Variants in FN1 observed in about 807,000 individuals in gnomAD.
FN1 encodes fibronectin.
In FN1, 106 loss-of-function variants were observed where a neutral mutation model predicts 297.3. The observed-to-expected ratio is 0.36, with a 90% CI of 0.30 to 0.42. The LOEUF (loss-of-function observed/expected upper bound fraction) is 0.42, where lower values mean the gene tolerates loss of function less well. Ranked by LOEUF, FN1 falls within the 10% of genes least tolerant of loss-of-function variation. The probability of loss-of-function intolerance (pLI) is 1.00; values close to 1 mark genes in which losing one functional copy is unlikely to be tolerated. For synonymous variants in FN1, 1,149 were observed against 1,152.6 expected (o/e 1.00, Z 0.06); for missense variants, 2,690 against 3,124.9 (o/e 0.86, Z 3.32).
chr2:215,432,720 A>C (rs2066744687), intron 3 of FN1, among the ~76,000 whole-genome samples: 1 of 152,078 alleles, frequency 6.6e-6, no homozygotes, highest in South Asian at 2.1e-4. Flanking sequence ...AGAGTGCCTT[A>C]GCTAAACTAG....
intron 17 of FN1, 62 bp downstream of exon 17, chr2:215,408,046 G>T: frequency 7.8e-7 from 1 of 1,275,684 alleles, no homozygotes; most frequent in Non-Finnish European, 1.1e-6. Flanking sequence ...CAGAATCTGC[G>T]CCCTCCCTGC....
chr2:215,383,076 C>A (rs2058431061), intron 31 of FN1, among the ~76,000 whole-genome samples: 1 of 151,410 alleles, frequency 6.6e-6, no homozygotes, highest in African/African-American at 2.4e-5. Context: ...GCTATCTTGG[C>A]TCACTGCAAC....
chr2:215,384,831 G>A, intron 29 of FN1, 29 bp downstream of exon 29: 1 of 1,361,000 alleles, frequency 7.3e-7, no homozygotes, highest in Non-Finnish European at 1.1e-6. Context: ...GATTTAATCA[G>A]AGTGTAAAAT....
intron 9 of FN1, 60 bp from the exon 10 acceptor site, chr2:215,422,303 G>C (rs1413748922): frequency 6.7e-7 from 1 of 1,487,250 alleles, no homozygotes; most frequent in African/African-American, 1.4e-5. Context: ...AAACATGTAT[G>C]TGTGCAAAAG....
Position 215,371,923 on chromosome 2 carries a change from C to T in FN1, c.6700G>A (p.Glu2234Lys). ...CAATTAATTACCTGTAAGGGTTCTT[C>T]ATCAGTGCCAACAGGATGACATGAA... The part of the protein sequence containing the change: ...IISCHPVGTD[E>K]EPLQFRVPGT... Residue 2234 changes from glutamate (E) to lysine (K), a missense_variant, in exon 40 of 46, where the codon GAA becomes AAA. Transcript: ENST00000354785. The T allele has an allele frequency of 6.2e-7, 1 of 1,613,596 alleles. No homozygotes were observed. The highest frequency in any genetic ancestry group is 8.5e-7 in the Non-Finnish European group (1 of 1,179,492).
rs775576039 is a variant in FN1, at chr2:215,408,137, C to T, written c.2489G>A (p.Arg830His). The T allele has an allele frequency of 1.3e-5, 21 of 1,613,998 alleles. No individual in the cohort carries two copies. The highest frequency in any genetic ancestry group is 5.3e-5 in the African/African-American group (4 of 74,972). The change falls in exon 17 of 46, where the codon CGC (arginine) becomes CAC (histidine). Residue 830 changes from arginine to histidine, a missense_variant. By Grantham distance (29) the Arg-to-His change is conservative (BLOSUM62 0). Coordinates refer to ENST00000354785, the MANE Select transcript of FN1 (RefSeq NM_212482.4). The stretch of plus-strand genomic sequence containing the variant: ...GATGGGAGCCTGGGGTCTGCTCCAG[C>T]GAACAACAATTGAGGTGTCATCAAC... Reference protein sequence around the residue: ...DQVDDTSIVVRWSRPQAPITG... With the variant: ...DQVDDTSIVVHWSRPQAPITG...
chr2:215,400,922 A>ACTGTACTGGGACTACTCAGACT (rs2060934240), intron 20 of FN1, among the ~76,000 whole-genome samples: 1 of 151,222 alleles, frequency 6.6e-6, no homozygotes, highest in African/African-American at 2.4e-5. Context: ...CAGACTCCCA[A>ACTGTACTGGGACTACTCAGACT]GTAGCTGGGA....
At chr2:215,379,505 ATG>A (rs2057899597) in intron 33 of FN1, 188 bp from the exon 34 acceptor site, 2 of 582,554 alleles carry the variant, frequency 3.4e-6, no homozygotes, top group Non-Finnish European at 3.1e-6. Flanking sequence ...TTGCTGAGAA[ATG>A]TGTTTTATAT....
At chr2:215,403,456 A>T (rs2061386092) in intron 20 of FN1, among the ~76,000 whole-genome samples, 1 of 152,190 alleles carries the variant, frequency 6.6e-6, no homozygotes, top group Non-Finnish European at 1.5e-5. Flanking sequence ...CATTTGTTGA[A>T]AGCTCTTAGA....
chr2:215,425,872 G>A (rs1293492098), intron 6 of FN1, among the ~76,000 whole-genome samples: 3 of 151,748 alleles, frequency 2.0e-5, no homozygotes, highest in Admixed American at 6.6e-5. Context: ...TCGCCTGGCC[G>A]GGATTATATT....
At position 215,404,622 on chromosome 2, in the gene FN1, T is replaced by C. The variant is rs145838840; in HGVS notation, c.3020A>G (p.Asn1007Ser). The change falls in exon 20 of 46, where the codon AAT (asparagine) becomes AGT (serine). Residue 1007 changes from asparagine to serine, a missense_variant. By Grantham distance (46) the Asn-to-Ser change is conservative. This residue lies in a region of FN1 where 1,743 missense variants were observed against 1,945.2 expected (regional missense o/e 0.90). Coordinates refer to ENST00000354785, the MANE Select transcript of FN1 (RefSeq NM_212482.4). The part of the protein sequence containing the change: ...LDAPTNLQFV[N>S]ETDSTVLVRW... ...CACCAGGACAGTAGAATCAGTTTCA[T>C]TGACAAACTGGAGGTTAGTGGGAGC... The C allele has an allele frequency of 1.5e-4, 235 of 1,613,874 alleles. No individual in the cohort carries two copies. The highest frequency in any genetic ancestry group is 1.9e-4 in the Non-Finnish European group (224 of 1,179,878).
intron 38 of FN1, 58 bp from the exon 39 acceptor site, chr2:215,373,469 G>C (rs1196583082): frequency 7.0e-7 from 1 of 1,437,522 alleles, no homozygotes; most frequent in Non-Finnish European, 9.8e-7. Flanking sequence ...TCAAGTGGAA[G>C]TCGGTCTCAC....
intron 6 of FN1, 118 bp from the exon 7 acceptor site, chr2:215,425,403 G>A: frequency 9.8e-7 from 1 of 1,022,524 alleles, no homozygotes; most frequent in Non-Finnish European, 1.5e-6. Flanking sequence ...GTCGCTACTG[G>A]CCTGGGACTG....
chr2:215,386,815 G>C lies in FN1; in HGVS notation c.4486C>G (p.Arg1496Gly). The C allele has an allele frequency of 3.1e-6, 5 of 1,613,914 alleles. No homozygotes were observed. Among genetic ancestry groups the C allele is most frequent in the Non-Finnish European group, 4.2e-6 (5 of 1,179,960 alleles). The change falls in exon 28 of 46, where the codon CGG (arginine) becomes GGG (glycine). Residue 1496 changes from arginine (R) to glycine (G), a missense_variant. Physicochemically the swap from Arg to Gly is moderately radical, Grantham distance 125. Coordinates refer to ENST00000354785, the MANE Select transcript of FN1 (RefSeq NM_212482.4). ...EHFSGRPRED[R>G]VPHSRNSITL... ...ATGGAATTCCGAGAGTGGGGCACCCGATCTTCTCGAGGTCTCCCACTGAAG... is the reference window on the plus strand; with the variant it reads ...ATGGAATTCCGAGAGTGGGGCACCCCATCTTCTCGAGGTCTCCCACTGAAG...
rs763255338 is a variant in FN1, at chr2:215,367,822, G to A, written c.7018+41C>T. The A allele has an allele frequency of 5.0e-6, 8 of 1,606,542 alleles. No homozygotes were observed. In the South Asian group the frequency reaches 5.5e-5, roughly 11 times the overall value. On this transcript the variant is annotated intron_variant, in intron 42 of 45. Transcript: ENST00000354785. ...ACATGAGTGCATGCATGGAACTTGAGGAGACAAACACGGAAGTGGATGGAC... is the reference window on the plus strand; with the variant it reads ...ACATGAGTGCATGCATGGAACTTGAAGAGACAAACACGGAAGTGGATGGAC...
At chr2:215,407,394 C>A in intron 17 of FN1, 73 bp from the exon 18 acceptor site, 1 of 1,246,634 alleles carries the variant, frequency 8.0e-7, no homozygotes, top group Non-Finnish European at 1.2e-6. Context: ...CATAAATCCT[C>A]CCTTTTCTAA....
chr2:215,434,940 G>T (rs1364627621), intron 1 of FN1, 116 bp from the exon 2 acceptor site: 6 of 1,175,380 alleles, frequency 5.1e-6, no homozygotes, highest in Non-Finnish European at 6.2e-6. Context: ...TTTGCTAAAA[G>T]TTATATACAA....
intron 6 of FN1, among the ~76,000 whole-genome samples, chr2:215,427,168 C>T (rs377009772): frequency 1.3e-5 from 2 of 152,138 alleles, no homozygotes; most frequent in Non-Finnish European, 2.9e-5. Flanking sequence ...AGCCACCGCG[C>T]GTGGCCGATG....
chr2:215,423,064 C>G (rs1314851349), intron 9 of FN1, among the ~76,000 whole-genome samples: 1 of 152,060 alleles, frequency 6.6e-6, no homozygotes, highest in Non-Finnish European at 1.5e-5. Flanking sequence ...ATTCATATTT[C>G]CAGACTTACA....
Sources: gnomAD v4.1 joint callset for allele counts (sites outside exome capture counted in the v4.1 genomes callset) on GRCh38, gnomAD v4.1.1 for gene constraint, gnomAD v4.1.1 regional missense constraint, MANE v1.5 for transcripts, NCBI Gene and HGNC (gene_info 2026-07-23, HGNC 2026-07-21) for gene names.